TANGO6: variants seen among roughly 807,000 people sequenced by gnomAD.
The protein encoded by TANGO6 is transport and Golgi organization protein 6 homolog.
Under a neutral mutation model 114.2 loss-of-function variants are expected in TANGO6, and 90 were observed. That is an observed-to-expected ratio of 0.79 (90% confidence interval 0.66 to 0.94). The LOEUF (loss-of-function observed/expected upper bound fraction) is 0.94. Ranked by LOEUF, TANGO6 falls within the 40% of genes least tolerant of loss-of-function variation. The pLI is 0.00. For missense variants in TANGO6, 1,274 were observed against 1,315.3 expected, an observed-to-expected ratio of 0.97 and a Z score of 0.49; for synonymous variants, 477 against 509.8, an observed-to-expected ratio of 0.94 and a Z score of 0.87.
chr16:69,050,044 G>A (rs1308481505), intron 17 of TANGO6, among the ~76,000 whole-genome samples: 11 of 152,180 alleles, frequency 7.2e-5, no homozygotes, highest in Non-Finnish European at 4.4e-5. Flanking sequence ...GAACATTTGT[G>A]TAGAAGTTTT....
At chr16:69,023,331 C>A (rs1461044668) in intron 16 of TANGO6, among the ~76,000 whole-genome samples, 1 of 151,962 alleles carries the variant, frequency 6.6e-6, no homozygotes, top group Non-Finnish European at 1.5e-5. Flanking sequence ...TGGTACATGC[C>A]TATAATCCCG....
chr16:68,851,011 A>G (rs1961894522), intron 1 of TANGO6, among the ~76,000 whole-genome samples: 2 of 152,200 alleles, frequency 1.3e-5, no homozygotes. Flanking sequence ...CTCTCTCTGT[A>G]GATGACTTAT....
intron 4 of TANGO6, among the ~76,000 whole-genome samples, chr16:68,874,718 C>T (rs917944164): frequency 2.0e-5 from 3 of 152,090 alleles, no homozygotes; most frequent in South Asian, 2.1e-4. Flanking sequence ...GAGGCTGAGG[C>T]GGGCAGATCA....
At chr16:68,957,201 ATTAT>A (rs1212630133) in intron 14 of TANGO6, among the ~76,000 whole-genome samples, 1 of 152,060 alleles carries the variant, frequency 6.6e-6, no homozygotes, top group African/African-American at 2.4e-5. Context: ...GGCCATTTTA[ATTAT>A]TTAAAAATCT....
intron 14 of TANGO6, among the ~76,000 whole-genome samples, chr16:68,963,087 G>A (rs1258290640): frequency 6.0e-5 from 8 of 132,344 alleles, no homozygotes; most frequent in African/African-American, 2.8e-5. Flanking sequence ...GCAAGACTCC[G>A]TCTCAAAAAA....
At chr16:69,031,217 A>G (rs989571882) in intron 16 of TANGO6, among the ~76,000 whole-genome samples, 1 of 152,116 alleles carries the variant, frequency 6.6e-6, no homozygotes, top group South Asian at 2.1e-4. Flanking sequence ...AATCCCAGGA[A>G]TGTTCATGGT....
At chr16:69,040,520 G>A (rs897668184) in intron 17 of TANGO6, 99 bp downstream of exon 17, 8 of 942,312 alleles carry the variant, frequency 8.5e-6, no homozygotes, top group East Asian at 7.9e-5. Context: ...CTCTTTCCTC[G>A]ATGGATTCAT....
intron 14 of TANGO6, among the ~76,000 whole-genome samples, chr16:68,972,321 C>T (rs548759596): frequency 2.0e-5 from 3 of 152,116 alleles, no homozygotes; most frequent in South Asian, 4.2e-4. Context: ...TCAGCAGATG[C>T]GGCGGATAAG....
intron 11 of TANGO6, among the ~76,000 whole-genome samples, chr16:68,916,302 T>C (rs917336333): frequency 6.6e-6 from 1 of 152,062 alleles, no homozygotes; most frequent in African/African-American, 2.4e-5. Flanking sequence ...TCCTGTCAGA[T>C]CAGCAGCAGC....
intron 17 of TANGO6, among the ~76,000 whole-genome samples, chr16:69,061,793 G>T (rs563615903): frequency 1.1e-4 from 17 of 152,264 alleles, no homozygotes; most frequent in African/African-American, 4.1e-4. Flanking sequence ...GCCGAGGCGG[G>T]CGGATCACAA....
intron 13 of TANGO6, among the ~76,000 whole-genome samples, chr16:68,929,272 AT>A (rs1182020188): frequency 2.6e-5 from 4 of 151,966 alleles, no homozygotes; most frequent in African/African-American, 9.7e-5. Context: ...ACATCTTGGA[AT>A]TTTTTTTAGC....
At chr16:68,932,363 T>C (rs1413428525) in intron 14 of TANGO6, among the ~76,000 whole-genome samples, 1 of 152,118 alleles carries the variant, frequency 6.6e-6, no homozygotes, top group Admixed American at 6.5e-5. Flanking sequence ...AGTCCTAAGA[T>C]GATAGGCGTG....
chr16:69,050,326 T>C (rs1464178419), intron 17 of TANGO6, among the ~76,000 whole-genome samples: 1 of 152,080 alleles, frequency 6.6e-6, no homozygotes, highest in Non-Finnish European at 1.5e-5. Context: ...TGGCTAAAGA[T>C]GTTGAGCTTG....
At chr16:68,870,154 C>T (rs930931851) in intron 4 of TANGO6, among the ~76,000 whole-genome samples, 1 of 151,978 alleles carries the variant, frequency 6.6e-6, no homozygotes, top group Non-Finnish European at 1.5e-5. Context: ...TGAGGAATCA[C>T]GGAGGCTTGG....
chr16:68,918,819 G>C (rs1164477284), intron 11 of TANGO6, among the ~76,000 whole-genome samples: 1 of 152,166 alleles, frequency 6.6e-6, no homozygotes, highest in Non-Finnish European at 1.5e-5. Flanking sequence ...AGCCCAGAGA[G>C]GGCATGGAAG....
intron 17 of TANGO6, among the ~76,000 whole-genome samples, chr16:69,041,559 C>T (rs965830479): frequency 6.6e-6 from 1 of 152,122 alleles, no homozygotes; most frequent in African/African-American, 2.4e-5. Context: ...GGCAGGGACT[C>T]AGTAGTTATC....
At chr16:68,941,714 A>C (rs7204807) in intron 14 of TANGO6, among the ~76,000 whole-genome samples, 13,381 of 151,958 alleles carry the variant, frequency 0.088, 700 homozygotes, top group African/African-American at 0.13. Flanking sequence ...CCACTGCACT[A>C]CAGCCTGGGT....
chr16:69,051,928 TTTTC>T (rs753401593), intron 17 of TANGO6, among the ~76,000 whole-genome samples: 9 of 151,324 alleles, frequency 5.9e-5, no homozygotes, highest in South Asian at 4.2e-4. Context: ...TCCTTTTTTC[TTTTC>T]TTTCTTTCTT....
At chr16:69,062,787 T>TAAAAAAA (rs35731381) in intron 17 of TANGO6, among the ~76,000 whole-genome samples, 2 of 113,718 alleles carry the variant, frequency 1.8e-5, no homozygotes, top group South Asian at 3.2e-4. Context: ...AAAAGAAATT[T>TAAAAAAA]AAAAAAAAAA....
Sources: gnomAD v4.1 joint callset for allele counts (sites outside exome capture counted in the v4.1 genomes callset) on GRCh38, gnomAD v4.1.1 for gene constraint, MANE v1.5 for transcripts, NCBI Gene and HGNC (gene_info 2026-07-23, HGNC 2026-07-21) for gene names.